The following GUCY1A2 variants were observed in gnomAD, a reference collection of about 807,000 sequenced individuals.
The protein encoded by GUCY1A2 is guanylate cyclase 1 soluble subunit alpha 2.
GUCY1A2 carries 27 observed loss-of-function variants against 63.5 expected under a neutral mutation model. That is an observed-to-expected ratio of 0.43 (90% CI 0.31 to 0.59). The LOEUF is 0.59. Among genes scored for constraint, GUCY1A2 ranks in the 20% least tolerant of loss-of-function variants. The pLI is 0.11. For synonymous variants in GUCY1A2, 364 were observed against 343.5 expected (o/e 1.06, Z -0.66); for missense variants, 768 against 913.3 (o/e 0.84, Z 2.05).
rs745416381 is a variant in GUCY1A2, at chr11:107,017,740, G to GC, written c.303+12dup. The GC allele has an allele frequency of 5.1e-6, 7 of 1,371,570 alleles. No homozygotes were observed. In the Admixed American group the frequency reaches 8.7e-5, roughly 17 times the overall value. The allele number at this position is 1,371,570 out of a possible 1,614,324, so 85.0% of individuals were successfully genotyped here. ...TCCCCCGAAGGCGGTCCCCCCTTCC[G>GC]CCCCCCGCTCACCGAGGGCGCCGTC... is the stretch of plus-strand genomic sequence containing the variant. On this transcript the variant is annotated intron_variant, in intron 1 of 7. Transcript: ENST00000526355.
chr11:106,887,830 T>C (rs1313284753), intron 4 of GUCY1A2, among the ~76,000 whole-genome samples: 3 of 152,246 alleles, frequency 2.0e-5, no homozygotes, highest in Non-Finnish European at 4.4e-5. Flanking sequence ...TTCAGTGGTA[T>C]ACACTGATTA....
At chr11:106,945,586 ATG>A (rs1318650359) in intron 3 of GUCY1A2, among the ~76,000 whole-genome samples, 1 of 152,162 alleles carries the variant, frequency 6.6e-6, no homozygotes, top group African/African-American at 2.4e-5. Flanking sequence ...ATACATACAA[ATG>A]TCCACACATT....
intron 4 of GUCY1A2, among the ~76,000 whole-genome samples, chr11:106,820,766 T>C (rs1213104487): frequency 2.0e-5 from 3 of 152,128 alleles, no homozygotes; most frequent in East Asian, 3.9e-4. Flanking sequence ...AAGTGAACCA[T>C]AGAAAAGTGT....
In GUCY1A2 at chr11:106,685,226, C is replaced by T. The variant is rs367923725; in HGVS notation, c.*2323G>A. The T allele has an allele frequency of 4.9e-6, 1 of 203,620 alleles. No homozygotes were observed. Among genetic ancestry groups the T allele is most frequent in the South Asian group, 1.9e-4 (1 of 5,280 alleles). 12.6% of individuals were successfully genotyped at this position (203,620 alleles called of 1,614,324 possible). The stretch of plus-strand genomic sequence containing the variant: ...ACATTTATGGCAATGTAAATGGATA[C>T]TTATTCTCTAAGTAAAATCATATAA... On this transcript the variant is annotated 3_prime_UTR_variant, in exon 8 of 8. Coordinates refer to ENST00000526355, the MANE Select transcript of GUCY1A2 (RefSeq NM_000855.3).
Position 106,681,016 on chromosome 11 carries a change from C to T in GUCY1A2, c.*6533G>A, listed in dbSNP as rs113462717. 3.1e-3 allele frequency: 629 copies of T among 205,466 alleles called. 1 individual carries two copies. The highest frequency in any genetic ancestry group is 4.4e-3 in the Non-Finnish European group (445 of 100,488). 12.7% of individuals were successfully genotyped at this position (205,466 alleles called of 1,614,324 possible). ...ATTCTAAATGATGAAGTAAATTTAA[C>T]TACTAAAGAACTGATTATCATTGAC... On this transcript the variant is annotated 3_prime_UTR_variant, in exon 8 of 8. Transcript: ENST00000526355.
intron 4 of GUCY1A2, among the ~76,000 whole-genome samples, chr11:106,937,350 T>C (rs1860693499): frequency 6.6e-6 from 1 of 152,144 alleles, no homozygotes; most frequent in African/African-American, 2.4e-5. Context: ...TTTCTTACCC[T>C]GGTATACAAA....
intron 1 of GUCY1A2, among the ~76,000 whole-genome samples, chr11:106,990,275 C>T (rs906079825): frequency 2.0e-5 from 3 of 152,118 alleles, no homozygotes; most frequent in African/African-American, 7.2e-5. Context: ...CATCATATGG[C>T]GGCAAAAAGC....
At chr11:106,914,541 TACAAATACA>T (rs1470362759) in intron 4 of GUCY1A2, among the ~76,000 whole-genome samples, 41 of 150,946 alleles carry the variant, frequency 2.7e-4, no homozygotes, top group South Asian at 1.9e-3. Flanking sequence ...GTCCAGTAAG[TACAAATACA>T]ACAAATACAA....
intron 4 of GUCY1A2, among the ~76,000 whole-genome samples, chr11:106,855,067 A>C (rs911390989): frequency 7.2e-5 from 11 of 151,970 alleles, no homozygotes. Context: ...GGCCTCAGGG[A>C]ATAATGTAGT....
intron 1 of GUCY1A2, among the ~76,000 whole-genome samples, chr11:106,986,824 G>C (rs533865346): frequency 6.6e-6 from 1 of 152,106 alleles, no homozygotes; most frequent in African/African-American, 2.4e-5. Context: ...TACTGGATGG[G>C]CCACAAGTGC....
At chr11:106,822,719 T>A (rs1421245184) in intron 4 of GUCY1A2, among the ~76,000 whole-genome samples, 1 of 152,208 alleles carries the variant, frequency 6.6e-6, no homozygotes, top group East Asian at 1.9e-4. Context: ...TCAAAAAGTC[T>A]AGAGTTTAAG....
chr11:106,687,362 C>T lies in GUCY1A2; in HGVS notation c.*187G>A. 1 of 593,282 alleles carries T rather than the reference C, an allele frequency of 1.7e-6. No homozygotes were observed. The highest frequency in any genetic ancestry group is 3.0e-6 in the Non-Finnish European group (1 of 332,316). 36.8% of individuals were successfully genotyped at this position (593,282 alleles called of 1,614,324 possible). ...AATGGACACATCTTATTTCCCTCAT[C>T]CTCCGGCTTTTTATTGACAGCGGTC... is the stretch of plus-strand genomic sequence containing the variant. On this transcript the variant is annotated 3_prime_UTR_variant, in exon 8 of 8. Coordinates refer to ENST00000526355, the MANE Select transcript of GUCY1A2 (RefSeq NM_000855.3).
chr11:107,005,898 A>T (rs1253866853), intron 1 of GUCY1A2, among the ~76,000 whole-genome samples: 1 of 152,228 alleles, frequency 6.6e-6, no homozygotes, highest in Non-Finnish European at 1.5e-5. Flanking sequence ...AACCATGACA[A>T]AAGGTATTAT....
intron 7 of GUCY1A2, among the ~76,000 whole-genome samples, chr11:106,698,195 T>C (rs1329346496): frequency 6.8e-6 from 1 of 146,548 alleles, no homozygotes; most frequent in African/African-American, 2.6e-5. Flanking sequence ...TCACGGCTTA[T>C]AGCAGCCTCC....
intron 4 of GUCY1A2, among the ~76,000 whole-genome samples, chr11:106,835,076 G>C (rs934330943): frequency 6.6e-6 from 1 of 151,806 alleles, no homozygotes; most frequent in Admixed American, 6.6e-5. Flanking sequence ...AGAAATGAGA[G>C]TAGGTAGGAA....
At chr11:106,709,441 TA>T (rs1197000343) in intron 6 of GUCY1A2, among the ~76,000 whole-genome samples, 8 of 97,656 alleles carry the variant, frequency 8.2e-5, no homozygotes, top group Admixed American at 4.9e-4. Context: ...GTATATATAA[TA>T]ATATATATTC....
At chr11:106,759,796 G>A (rs542716829) in intron 6 of GUCY1A2, among the ~76,000 whole-genome samples, 2 of 152,300 alleles carry the variant, frequency 1.3e-5, no homozygotes, top group East Asian at 3.9e-4. Flanking sequence ...TTAGCCAGTC[G>A]TTGGGGCAGG....
chr11:106,755,400 T>A (rs2135388017), intron 6 of GUCY1A2, among the ~76,000 whole-genome samples: 1 of 152,308 alleles, frequency 6.6e-6, no homozygotes, highest in African/African-American at 2.4e-5. Context: ...CTTTTGAATT[T>A]GTTTGCTCTT....
rs762308672 is a variant in GUCY1A2 at position 106,986,037 on chromosome 11, C to T, written c.365+33G>A. The T allele has an allele frequency of 1.8e-5, 19 of 1,054,660 alleles. No homozygotes were observed. In the Admixed American group the frequency reaches 2.2e-4, roughly 12 times the overall value. 65.3% of individuals were successfully genotyped at this position (1,054,660 alleles called of 1,614,324 possible). A position where few individuals can be genotyped will look rare whatever the true frequency, so the allele number is the denominator to read the frequency against. On this transcript the variant is annotated intron_variant, in intron 2 of 7. Transcript: ENST00000526355. Reference sequence around the variant, plus strand: ...GTTTGAGTAATTACCTTTAATTTGTCCCCAATAATAACCGAAATCAATTTT... The same window carrying T: ...GTTTGAGTAATTACCTTTAATTTGTTCCCAATAATAACCGAAATCAATTTT...
Sources: allele counts gnomAD v4.1 joint callset (sites outside exome capture counted in the v4.1 genomes callset), GRCh38; gene constraint gnomAD v4.1.1; transcripts MANE v1.5; gene names NCBI Gene and HGNC (gene_info 2026-07-23, HGNC 2026-07-21).